Variants in PSD3 observed in about 807,000 individuals in gnomAD.
PSD3 encodes the protein PH and SEC7 domain-containing protein 3.
Under a neutral mutation model 105.5 loss-of-function variants are expected in PSD3, and 49 were observed. That is an observed-to-expected ratio of 0.46 (90% CI 0.37 to 0.59). The LOEUF (loss-of-function observed/expected upper bound fraction) is 0.59. Ranked by LOEUF, PSD3 falls within the 20% of genes least tolerant of loss-of-function variation. PSD3 has a pLI of 0.00. For missense variants in PSD3, 1,561 were observed against 1,263.8 expected, an observed-to-expected ratio of 1.24 and a Z score of -3.57; for synonymous variants, 557 against 457.8, an observed-to-expected ratio of 1.22 and a Z score of -2.77.
chr8:18,860,391 C>T (rs1029702880), intron 4 of PSD3, among the ~76,000 whole-genome samples: 1 of 151,544 alleles, frequency 6.6e-6, no homozygotes. Flanking sequence ...AAGTGAGCAC[C>T]TGTTATTGGA....
chr8:19,075,456 A>G (rs1320774802), intron 1 of PSD3, among the ~76,000 whole-genome samples: 1 of 152,238 alleles, frequency 6.6e-6, no homozygotes, highest in African/African-American at 2.4e-5. Context: ...GCATGTATGT[A>G]TGATTACATT....
chr8:18,742,942 T>G (rs1367906103), intron 9 of PSD3, among the ~76,000 whole-genome samples: 1 of 152,194 alleles, frequency 6.6e-6, no homozygotes, highest in African/African-American at 2.4e-5. Context: ...TAGTTTTAAG[T>G]GGCTGAGAGC....
chr8:18,600,678 C>T (rs562693313), intron 11 of PSD3, among the ~76,000 whole-genome samples: 2 of 152,142 alleles, frequency 1.3e-5, no homozygotes, highest in Non-Finnish European at 2.9e-5. Flanking sequence ...TCTTACAAAA[C>T]TGAAACACAA....
At chr8:18,699,444 G>C (rs535394763) in intron 9 of PSD3, among the ~76,000 whole-genome samples, 18 of 152,280 alleles carry the variant, frequency 1.2e-4, no homozygotes, top group African/African-American at 4.3e-4. Flanking sequence ...AAGACACCTA[G>C]TCACAGTCAG....
intron 14 of PSD3, among the ~76,000 whole-genome samples, chr8:18,561,365 G>T (rs924679443): frequency 6.6e-6 from 1 of 152,176 alleles, no homozygotes; most frequent in Non-Finnish European, 1.5e-5. Flanking sequence ...GCTAACTGAA[G>T]TAAGACCGGC....
chr8:19,044,408 A>T (rs927444997), intron 1 of PSD3, among the ~76,000 whole-genome samples: 3 of 152,192 alleles, frequency 2.0e-5, no homozygotes, highest in African/African-American at 7.2e-5. Flanking sequence ...ATTCAATTCT[A>T]GGCTCTTCCT....
intron 1 of PSD3, among the ~76,000 whole-genome samples, chr8:19,058,041 T>G (rs1046943717): frequency 1.3e-5 from 2 of 152,164 alleles, no homozygotes; most frequent in South Asian, 4.1e-4. Flanking sequence ...AACTAACATG[T>G]CTTTCAAAGG....
At chr8:18,812,315 G>T (rs574907819) in intron 4 of PSD3, among the ~76,000 whole-genome samples, 125 of 152,308 alleles carry the variant, frequency 8.2e-4, no homozygotes, top group African/African-American at 2.8e-3. Context: ...GCAGAGTTGG[G>T]GAACGACTTT....
intron 1 of PSD3, among the ~76,000 whole-genome samples, chr8:18,938,149 T>C (rs906487647): frequency 2.0e-5 from 3 of 152,178 alleles, no homozygotes; most frequent in African/African-American, 7.2e-5. Flanking sequence ...TTTACACTTT[T>C]AAAAGATCAT....
chr8:18,926,978 C>A (rs1323805986), intron 2 of PSD3, among the ~76,000 whole-genome samples: 1 of 152,088 alleles, frequency 6.6e-6, no homozygotes, highest in Non-Finnish European at 1.5e-5. Flanking sequence ...AAGGATCCCA[C>A]AACCCTTTCC....
At chr8:18,979,569 C>A (rs1271293163) in intron 1 of PSD3, 1 of 152,136 alleles carries the variant, frequency 6.6e-6, no homozygotes, top group Non-Finnish European at 1.5e-5. Flanking sequence ...ATGAGTGAAG[C>A]ATTTATTTTT....
chr8:18,591,741 G>A (rs544296515), intron 12 of PSD3, among the ~76,000 whole-genome samples: 1 of 152,210 alleles, frequency 6.6e-6, no homozygotes, highest in South Asian at 2.1e-4. Flanking sequence ...CTGAGGGAGT[G>A]GTATCTGACT....
At chr8:18,866,104 A>G (rs941939450) in intron 4 of PSD3, among the ~76,000 whole-genome samples, 2 of 152,310 alleles carry the variant, frequency 1.3e-5, no homozygotes, top group African/African-American at 4.8e-5. Context: ...TAATATAAAC[A>G]ACTTCCACTC....
intron 4 of PSD3, chr8:18,849,441 G>A (rs948623530): frequency 1.3e-5 from 2 of 152,224 alleles, no homozygotes; most frequent in Admixed American, 6.5e-5. Context: ...TGTAAACTAC[G>A]GCTGAATGGT....
chr8:18,916,298 ATATATATATATATATATATATATAT>A (rs1820583099), intron 2 of PSD3, among the ~76,000 whole-genome samples: 1 of 354 alleles, frequency 2.8e-3, no homozygotes, highest in Admixed American at 0.019. Context: ...AAAAAAAGTG[ATATATATATATATATATATATATAT>A]ATATATATAT....
chr8:18,596,247 C>A (rs1312515251), intron 12 of PSD3, among the ~76,000 whole-genome samples: 4 of 151,200 alleles, frequency 2.6e-5, no homozygotes, highest in Non-Finnish European at 1.5e-5. Flanking sequence ...TGGAAGGAAA[C>A]AAAAGCAGTA....
chr8:18,788,549 C>A (rs894411418), intron 8 of PSD3, among the ~76,000 whole-genome samples: 2 of 152,184 alleles, frequency 1.3e-5, no homozygotes, highest in Non-Finnish European at 2.9e-5. Context: ...ACAGCATATA[C>A]TCTGATTCAG....
At chr8:18,883,047 A>G (rs1429837153) in intron 2 of PSD3, among the ~76,000 whole-genome samples, 1 of 152,112 alleles carries the variant, frequency 6.6e-6, no homozygotes, top group Non-Finnish European at 1.5e-5. Flanking sequence ...AGCAGCATAG[A>G]TATCACCAAG....
chr8:19,000,494 T>G (rs6981123), intron 1 of PSD3: 2 of 151,198 alleles, frequency 1.3e-5, no homozygotes, highest in Non-Finnish European at 2.9e-5. Context: ...GAACACAGCC[T>G]AAGCCTTTAT....
Sources: allele counts gnomAD v4.1 joint callset (sites outside exome capture counted in the v4.1 genomes callset), GRCh38; gene constraint gnomAD v4.1.1; transcripts MANE v1.5; gene names NCBI Gene and HGNC (gene_info 2026-07-23, HGNC 2026-07-21).